The following SAV1 variants were observed in gnomAD, a reference collection of about 807,000 sequenced individuals.
The protein encoded by SAV1 is salvador family WW domain containing protein 1.
SAV1 carries 23 observed loss-of-function variants against 47.3 expected under a neutral mutation model. The ratio of observed to expected loss-of-function variants is 0.49; its 90% CI spans 0.35 to 0.69. The LOEUF (loss-of-function observed/expected upper bound fraction) is 0.69. Ranked by LOEUF, SAV1 falls within the 30% of genes least tolerant of loss-of-function variation. The pLI, the probability that SAV1 is intolerant of heterozygous loss-of-function variation, is 0.01. For missense variants in SAV1, 448 were observed against 457.4 expected (o/e 0.98, Z 0.19); for synonymous variants, 155 against 159.2 (o/e 0.97, Z 0.20).
Position 50,640,708 on chromosome 14 carries a change from T to G in SAV1, c.950+42A>C, listed in dbSNP as rs2039673952. On this transcript the variant is annotated intron_variant, in intron 4 of 4. Transcript: ENST00000324679. ...CAGCCCAGAGACTCCATTCAGCCCT[T>G]CACTCACTCCTCAAACAAATTTGTG... The G allele has an allele frequency of 7.0e-6, 11 of 1,577,062 alleles. No homozygotes were observed. In the East Asian group the frequency reaches 2.5e-4, roughly 36 times the overall value.
At chr14:50,643,763 T>A (rs2140250928) in intron 3 of SAV1, among the ~76,000 whole-genome samples, 1 of 152,270 alleles carries the variant, frequency 6.6e-6, no homozygotes, top group South Asian at 2.1e-4. Context: ...AAAAACAGAT[T>A]TTCAAAGTTG....
chr14:50,654,413 C>G (rs1350709927), intron 2 of SAV1, among the ~76,000 whole-genome samples: 2 of 152,104 alleles, frequency 1.3e-5, no homozygotes, highest in Non-Finnish European at 2.9e-5. Context: ...ATCATGAGAC[C>G]AGCAGCAATG....
At chr14:50,646,213 A>G (rs2039720170) in intron 2 of SAV1, among the ~76,000 whole-genome samples, 2 of 152,200 alleles carry the variant, frequency 1.3e-5, no homozygotes, top group South Asian at 4.1e-4. Context: ...TAGGCACAGT[A>G]AGGGATTAAC....
intron 2 of SAV1, among the ~76,000 whole-genome samples, chr14:50,651,014 T>C (rs1488597334): frequency 1.3e-5 from 2 of 149,370 alleles, no homozygotes; most frequent in African/African-American, 2.5e-5. Flanking sequence ...AGAGAGAGAC[T>C]CTGTCTCCAA....
In SAV1 at chr14:50,640,201, C is replaced by G. The variant is rs2039670236; in HGVS notation, c.950+549G>C. On this transcript the variant is annotated intron_variant, in intron 4 of 4. Transcript: ENST00000324679. ...GTCCTGCTATGTTGCTCAGGCTGAA[C>G]TTGAACTCCTCAGATCAAGCTATCC... Among the ~76,000 whole-genome samples, 6 of 152,208 alleles carry G rather than the reference C, an allele frequency of 3.9e-5. No homozygotes were observed. In the South Asian group the frequency reaches 1.2e-3, roughly 31 times the overall value.
intron 1 of SAV1, 108 bp from the exon 2 acceptor site, chr14:50,665,727 T>G: frequency 1.0e-6 from 1 of 987,828 alleles, no homozygotes; most frequent in Non-Finnish European, 1.5e-6. Context: ...TCAGTCAACT[T>G]AAGAAAACAC....
intron 2 of SAV1, among the ~76,000 whole-genome samples, chr14:50,645,359 C>T (rs148374736): frequency 2.8e-4 from 42 of 152,198 alleles, no homozygotes; most frequent in African/African-American, 9.9e-4. Flanking sequence ...CATGTTGCCA[C>T]AAGCAGAAAA....
intron 1 of SAV1, among the ~76,000 whole-genome samples, chr14:50,666,999 G>C (rs1216238401): frequency 6.6e-6 from 1 of 151,930 alleles, no homozygotes; most frequent in Non-Finnish European, 1.5e-5. Context: ...TAAGTCACAA[G>C]GTTACTACCA....
intron 2 of SAV1, among the ~76,000 whole-genome samples, chr14:50,657,644 GT>G (rs1312576648): frequency 1.3e-5 from 2 of 152,148 alleles, no homozygotes; most frequent in Admixed American, 6.5e-5. Flanking sequence ...GGTAACTTCA[GT>G]TTTTGAGTGA....
intron 2 of SAV1, among the ~76,000 whole-genome samples, chr14:50,660,617 T>C (rs1164247293): frequency 6.6e-6 from 1 of 152,226 alleles, no homozygotes; most frequent in East Asian, 1.9e-4. Flanking sequence ...TTTCTATGTG[T>C]TGGGAACATT....
intron 2 of SAV1, among the ~76,000 whole-genome samples, chr14:50,659,264 G>T (rs1185657272): frequency 6.6e-6 from 1 of 152,096 alleles, no homozygotes; most frequent in Non-Finnish European, 1.5e-5. Context: ...TTATTTCAGT[G>T]CATGTGTGTT....
At chr14:50,651,668 C>T (rs563520285) in intron 2 of SAV1, among the ~76,000 whole-genome samples, 1 of 152,148 alleles carries the variant, frequency 6.6e-6, no homozygotes, top group South Asian at 2.1e-4. Flanking sequence ...ACTCTGTCAC[C>T]CAGGCTGGAG....
intron 2 of SAV1, among the ~76,000 whole-genome samples, chr14:50,659,094 T>G (rs78644747): frequency 1.1e-5 from 1 of 94,302 alleles, no homozygotes; most frequent in East Asian, 2.5e-4. Context: ...TTTTTTTTTT[T>G]GGTTGGGAGA....
intron 2 of SAV1, 150 bp from the exon 3 acceptor site, chr14:50,645,164 A>T: frequency 1.5e-6 from 1 of 685,902 alleles, no homozygotes; most frequent in East Asian, 2.7e-5. Flanking sequence ...TTTTCATAAA[A>T]CTAGTCGGTA....
Position 50,640,788 on chromosome 14 carries a change from AATT to A in SAV1, c.909_911del (p.Glu303_Ile304delinsAsp). 5 of 1,613,796 alleles carry A rather than the reference AATT, an allele frequency of 3.1e-6. No individual in the cohort carries two copies. Among genetic ancestry groups the A allele is most frequent in the Non-Finnish European group, 4.2e-6 (5 of 1,179,858 alleles). ...GTGCGTAAACCTGAAGCCAGTCAGG[AATT>A]TCTGCAGTATGATATGGATTTGCAG... On this transcript the variant is annotated inframe_deletion, in exon 4 of 5. Transcript: ENST00000324679.
intron 2 of SAV1, among the ~76,000 whole-genome samples, chr14:50,653,196 G>A (rs74831608): frequency 0.01 from 1,558 of 152,194 alleles, 25 homozygotes; most frequent in African/African-American, 0.035. Context: ...GTACACTCTG[G>A]AATGAATCCT....
At chr14:50,660,038 A>G (rs2039845689) in intron 2 of SAV1, among the ~76,000 whole-genome samples, 1 of 152,176 alleles carries the variant, frequency 6.6e-6, no homozygotes, top group Non-Finnish European at 1.5e-5. Context: ...CTTTCTTTCC[A>G]TAGTAACTGG....
rs2039610027 is a variant in SAV1 at position 50,634,036 on chromosome 14, T to G, written c.*1147A>C. 2 of 300,974 alleles carry G rather than the reference T, an allele frequency of 6.6e-6. No homozygotes were observed. The highest frequency in any genetic ancestry group is 1.4e-5 in the Non-Finnish European group (2 of 143,728). The allele number at this position is 300,974 out of a possible 1,614,324, so 18.6% of individuals were successfully genotyped here. ...AAAAAGTAATAATATACATTCGATT[T>G]AATGACCAAAAATTTTTTTTGAATC... On this transcript the variant is annotated 3_prime_UTR_variant, in exon 5 of 5. Transcript: ENST00000324679.
chr14:50,662,871 A>T (rs1454940790), intron 2 of SAV1: 2 of 152,208 alleles, frequency 1.3e-5, no homozygotes, highest in African/African-American at 4.8e-5. Flanking sequence ...AAGCCTCCAG[A>T]TTTAAAACCG....
Sources: gnomAD v4.1 joint callset for allele counts (sites outside exome capture counted in the v4.1 genomes callset) on GRCh38, gnomAD v4.1.1 for gene constraint, MANE v1.5 for transcripts, NCBI Gene and HGNC (gene_info 2026-07-23, HGNC 2026-07-21) for gene names.